Variants in CPT1A observed in about 807,000 individuals in gnomAD.
The protein encoded by CPT1A is carnitine palmitoyltransferase 1A.
A neutral mutation model predicts 100.8 loss-of-function variants in CPT1A; 64 were observed. The observed-to-expected ratio is 0.63, with a 90% CI of 0.52 to 0.78. The LOEUF (loss-of-function observed/expected upper bound fraction) is 0.78. Among genes scored for constraint, CPT1A ranks in the 30% least tolerant of loss-of-function variants. The pLI, the probability that CPT1A is intolerant of heterozygous loss-of-function variation, is 0.00. For missense variants in CPT1A, 802 were observed against 1,034.1 expected, an observed-to-expected ratio of 0.78 and a Z score of 3.08; for synonymous variants, 363 against 396.0, an observed-to-expected ratio of 0.92 and a Z score of 0.99.
At chr11:68,775,208 A>G in intron 13 of CPT1A, 108 bp downstream of exon 13, 4 of 930,156 alleles carry the variant, frequency 4.3e-6, no homozygotes, top group Non-Finnish European at 7.0e-6. Flanking sequence ...GTGGTCTTCA[A>G]CTGAGCTCAT....
In CPT1A at chr11:68,815,550, A is replaced by G. The variant is rs17848444; in HGVS notation, c.-13-63T>C. The G allele has an allele frequency of 2.6e-6, 4 of 1,512,948 alleles. No homozygotes were observed. The East Asian group carries it at 9.0e-5, about 34-fold the overall frequency. The allele number at this position is 1,512,948 out of a possible 1,614,324, so 93.7% of individuals were successfully genotyped here. On this transcript the variant is annotated intron_variant, in intron 1 of 18. Transcript: ENST00000265641. ...TGTGACCAGACACTAAAAAACCCTC[A>G]TACAGAAGTGCCATTCCTTCTGAAC...
chr11:68,783,054 T>C (rs1381223259), intron 10 of CPT1A, among the ~76,000 whole-genome samples: 1 of 152,116 alleles, frequency 6.6e-6, no homozygotes, highest in Non-Finnish European at 1.5e-5. Flanking sequence ...TCACCCGAGA[T>C]GCATCTCCTG....
intron 14 of CPT1A, among the ~76,000 whole-genome samples, chr11:68,772,557 T>C (rs1233901432): frequency 6.6e-6 from 1 of 151,882 alleles, no homozygotes; most frequent in African/African-American, 2.4e-5. Context: ...AAAAGGGAGA[T>C]GGAAATGCCA....
intron 11 of CPT1A, 42 bp from the exon 12 acceptor site, chr11:68,780,787 G>A: frequency 5.3e-6 from 8 of 1,501,452 alleles, no homozygotes; most frequent in South Asian, 2.3e-5. Context: ...TGTTTAAAGA[G>A]GCAACAATGA....
intron 10 of CPT1A, among the ~76,000 whole-genome samples, chr11:68,784,596 C>T (rs1024342615): frequency 6.6e-6 from 1 of 152,166 alleles, no homozygotes; most frequent in Non-Finnish European, 1.5e-5. Context: ...AGTGTTTCCA[C>T]ACACATTTGC....
At chr11:68,782,928 C>T (rs538188092) in intron 10 of CPT1A, among the ~76,000 whole-genome samples, 134 of 152,268 alleles carry the variant, frequency 8.8e-4, no homozygotes, top group African/African-American at 3.1e-3. Context: ...GCATCGGGAC[C>T]GAGGCGCCTA....
chr11:68,826,387 A>G (rs180778621), intron 1 of CPT1A, among the ~76,000 whole-genome samples: 5 of 151,704 alleles, frequency 3.3e-5, no homozygotes, highest in East Asian at 1.9e-4. Flanking sequence ...CAGAGGTTGC[A>G]GTGAGCCGAG....
At chr11:68,806,651 A>T (rs1191846304) in intron 4 of CPT1A, among the ~76,000 whole-genome samples, 1 of 144,874 alleles carries the variant, frequency 6.9e-6, no homozygotes, top group African/African-American at 2.7e-5. Flanking sequence ...AAAAAAAAAA[A>T]GCTGGGTACA....
chr11:68,782,451 G>A (rs568523839), intron 10 of CPT1A, among the ~76,000 whole-genome samples: 89 of 152,308 alleles, frequency 5.8e-4, no homozygotes, highest in African/African-American at 2.1e-3. Context: ...TGAGAAAACT[G>A]AAGCACGGAA....
intron 6 of CPT1A, 148 bp from the exon 7 acceptor site, chr11:68,797,081 G>A (rs1224744602): frequency 2.7e-6 from 2 of 734,868 alleles, no homozygotes; most frequent in East Asian, 5.4e-5. Context: ...AACAGGGAAC[G>A]CAGTCCTAAC....
At chr11:68,786,413 G>A (rs1855464127) in intron 9 of CPT1A, among the ~76,000 whole-genome samples, 1 of 152,232 alleles carries the variant, frequency 6.6e-6, no homozygotes, top group Non-Finnish European at 1.5e-5. Flanking sequence ...GCTAGAAAGT[G>A]TAGGACTAGG....
rs138748183 is a variant in CPT1A at position 68,784,929 on chromosome 11, T to C, written c.1049A>G (p.Asp350Gly). 2.5e-6 allele frequency: 4 copies of C among 1,614,076 alleles called. No homozygotes were observed. The Admixed American group carries it at 5.0e-5, about 20-fold the overall frequency. ...GRYFKVWLYH[D>G]GRLLKPREME... The stretch of plus-strand genomic sequence containing the variant: ...CTCCCGGGGCTTCAGCAGCCGCCCA[T>C]CATGGTAGAGCCAGACCTTGAAGTA... The change falls in exon 10 of 19, where the codon GAT becomes GGT. Residue 350 changes from aspartate (D) to glycine (G), a missense_variant. Around this residue, in one of 4 missense-constraint regions of CPT1A, gnomAD observed 627 missense variants for 799.3 expected, o/e 0.78. Transcript: ENST00000265641.
At chr11:68,836,323 A>G (rs1047727991) in intron 1 of CPT1A, among the ~76,000 whole-genome samples, 3 of 152,010 alleles carry the variant, frequency 2.0e-5, no homozygotes, top group Non-Finnish European at 4.4e-5. Context: ...AAAAAATATA[A>G]AAAATTAGCT....
chr11:68,801,921 A>G (rs1233030797), intron 5 of CPT1A, among the ~76,000 whole-genome samples: 2 of 152,152 alleles, frequency 1.3e-5, no homozygotes, highest in Non-Finnish European at 2.9e-5. Context: ...ACAGGTGGAT[A>G]AACTGTGGTC....
intron 14 of CPT1A, among the ~76,000 whole-genome samples, chr11:68,766,800 T>G (rs536615688): frequency 5.6e-5 from 8 of 143,414 alleles, no homozygotes; most frequent in Non-Finnish European, 1.2e-4. Flanking sequence ...CCAGCCTGGG[T>G]GACAGAGTGA....
intron 11 of CPT1A, among the ~76,000 whole-genome samples, chr11:68,781,293 T>C (rs1307099960): frequency 6.6e-6 from 1 of 152,116 alleles, no homozygotes; most frequent in African/African-American, 2.4e-5. Context: ...CAGCTCAGGC[T>C]GTGTATGTGT....
At chr11:68,783,625 C>G (rs1057306747) in intron 10 of CPT1A, among the ~76,000 whole-genome samples, 5 of 152,228 alleles carry the variant, frequency 3.3e-5, no homozygotes, top group African/African-American at 9.6e-5. Context: ...CGCAGCAGCT[C>G]TCAGCTGGGG....
intron 14 of CPT1A, among the ~76,000 whole-genome samples, chr11:68,768,498 T>A (rs1854890825): frequency 6.6e-6 from 1 of 152,086 alleles, no homozygotes; most frequent in African/African-American, 2.4e-5. Flanking sequence ...AACCTCCACC[T>A]CCCACGTTCA....
chr11:68,773,091 G>A (rs930165505), intron 14 of CPT1A, among the ~76,000 whole-genome samples, 174 bp downstream of exon 14: 6 of 152,132 alleles, frequency 3.9e-5, no homozygotes, highest in Non-Finnish European at 7.3e-5. Flanking sequence ...AACTTTGCCC[G>A]CGTGCGTGGT....
Sources: gnomAD v4.1 joint callset for allele counts (sites outside exome capture counted in the v4.1 genomes callset) on GRCh38, gnomAD v4.1.1 for gene constraint, gnomAD v4.1.1 regional missense constraint, MANE v1.5 for transcripts, NCBI Gene and HGNC (gene_info 2026-07-23, HGNC 2026-07-21) for gene names.